Variants in GSN observed in about 807,000 individuals in gnomAD.
GSN encodes gelsolin.
In GSN, 56 loss-of-function variants were observed where a neutral mutation model predicts 85.7. That is an observed-to-expected ratio of 0.65 (90% CI 0.53 to 0.82). GSN has a LOEUF of 0.82. Ranked by LOEUF, GSN falls within the 40% of genes least tolerant of loss-of-function variation. The probability of loss-of-function intolerance (pLI) is 0.00; values close to 1 mark genes in which losing one functional copy is unlikely to be tolerated. For synonymous variants in GSN, 373 were observed against 399.1 expected (o/e 0.93, Z 0.78); for missense variants, 857 against 979.8 (o/e 0.87, Z 1.67).
chr9:121,313,979 G>A lies in GSN; in HGVS notation c.709G>A (p.Ala237Thr), dbSNP rs376744130. 42 of 1,614,030 alleles carry A rather than the reference G, an allele frequency of 2.6e-5. No individual in the cohort carries two copies. In the African/African-American group the frequency reaches 5.1e-4, roughly 19 times the overall value. Reference protein sequence around the residue: ...PALPAGTEDTAKEDAANRKLA... With the variant: ...PALPAGTEDTTKEDAANRKLA... The stretch of plus-strand genomic sequence containing the variant: ...TCTGCCTGCAGGTACCGAGGACACC[G>A]CCAAGGAGGATGCGGCCAACCGCAA... The change falls in exon 7 of 18, where the codon GCC becomes ACC. Residue 237 changes from alanine to threonine, a missense_variant. Ala to Thr is a moderately conservative substitution (Grantham distance 58). Transcript: ENST00000432226.
chr9:121,240,154 T>C (rs2054575555), intron 5 of GSN: 1 of 152,232 alleles, frequency 6.6e-6, no homozygotes, highest in African/African-American at 2.4e-5. Flanking sequence ...GTGTCCAAAT[T>C]CCCCTTTTTA....
chr9:121,291,068 TAAAA>T (rs2058637530), intron 2 of GSN, among the ~76,000 whole-genome samples: 1 of 151,930 alleles, frequency 6.6e-6, no homozygotes, highest in African/African-American at 2.4e-5. Flanking sequence ...AAATAAAAAT[TAAAA>T]AAAGTAAAAA....
chr9:121,304,666 G>T (rs1354292195), intron 4 of GSN, among the ~76,000 whole-genome samples: 1 of 152,204 alleles, frequency 6.6e-6, no homozygotes, highest in Non-Finnish European at 1.5e-5. Context: ...CTACACTATG[G>T]CAGATATGGT....
At chr9:121,245,938 C>T (rs2054690740) in intron 5 of GSN, among the ~76,000 whole-genome samples, 3 of 152,116 alleles carry the variant, frequency 2.0e-5, no homozygotes, top group Non-Finnish European at 4.4e-5. Context: ...ATTTAAAAGA[C>T]AACCAGAGAA....
intron 1 of GSN, among the ~76,000 whole-genome samples, chr9:121,208,772 G>A (rs1240828807): frequency 2.6e-5 from 4 of 152,156 alleles, no homozygotes; most frequent in Non-Finnish European, 4.4e-5. Context: ...TACTAATGAG[G>A]GAAGAAAAGA....
chr9:121,250,362 A>G (rs10818518), intron 6 of GSN, among the ~76,000 whole-genome samples: 57,354 of 151,480 alleles, frequency 0.38, 13,470 homozygotes, highest in East Asian at 0.62. Context: ...CTGCCACTAC[A>G]CCCAGCTAAT....
intron 4 of GSN, among the ~76,000 whole-genome samples, chr9:121,307,389 AGT>A (rs1383444434): frequency 6.6e-6 from 1 of 152,174 alleles, no homozygotes; most frequent in African/African-American, 2.4e-5. Flanking sequence ...CAATAGAAAC[AGT>A]GAGTCCTTCT....
rs112938071 is a variant in GSN, at chr9:121,275,189, A to G, written c.-102-6281A>G. Among the ~76,000 whole-genome samples the G allele has an allele frequency of 3.8e-3, 586 of 152,348 alleles. 6 individuals are homozygous for G. The highest frequency in any genetic ancestry group is 0.013 in the African/African-American group (560 of 41,582). On this transcript the variant is annotated intron_variant, in intron 1 of 17. Transcript: ENST00000432226. Reference sequence around the variant, plus strand: ...CACTTGCACAATTCAGCAGCAATAAAGCATAACAAGTTAAGATCCCAGGCC... The same window carrying G: ...CACTTGCACAATTCAGCAGCAATAAGGCATAACAAGTTAAGATCCCAGGCC...
At chr9:121,327,085 G>C (rs2063295636) in intron 13 of GSN, 1 of 698,600 alleles carries the variant, frequency 1.4e-6, no homozygotes. Flanking sequence ...TGTTAATGCA[G>C]CCCTGATTTT....
chr9:121,284,784 T>C (rs1029584034), intron 2 of GSN: 2 of 167,108 alleles, frequency 1.2e-5, no homozygotes, highest in Non-Finnish European at 2.9e-5. Context: ...ACTTGATCCA[T>C]GGGATTTCAG....
intron 6 of GSN, among the ~76,000 whole-genome samples, chr9:121,254,327 A>G (rs1418676021): frequency 6.6e-6 from 1 of 152,198 alleles, no homozygotes; most frequent in East Asian, 1.9e-4. Flanking sequence ...CCGTGAAACA[A>G]GATCACCTGC....
intron 5 of GSN, among the ~76,000 whole-genome samples, chr9:121,231,536 TGAA>T (rs1189924302): frequency 1.3e-5 from 2 of 152,070 alleles, no homozygotes; most frequent in East Asian, 1.9e-4. Flanking sequence ...GACATGATTT[TGAA>T]GAAGAAGAAG....
chr9:121,295,738 A>C (rs932566917), intron 2 of GSN, among the ~76,000 whole-genome samples: 7 of 152,226 alleles, frequency 4.6e-5, no homozygotes, highest in Non-Finnish European at 1.0e-4. Context: ...TACAGCCCCC[A>C]TCCTGTGGCA....
At chr9:121,288,446 A>G (rs2058364560) in intron 2 of GSN, among the ~76,000 whole-genome samples, 1 of 152,198 alleles carries the variant, frequency 6.6e-6, no homozygotes, top group African/African-American at 2.4e-5. Flanking sequence ...GACATAACAC[A>G]GATGCCCAGG....
intron 5 of GSN, among the ~76,000 whole-genome samples, chr9:121,231,705 C>G (rs1210252882): frequency 1.3e-5 from 2 of 151,946 alleles, no homozygotes; most frequent in Admixed American, 1.3e-4. Flanking sequence ...ATGTAGCAGG[C>G]AGGCTTCTAT....
At chr9:121,249,523 A>G (rs1423405592) in intron 6 of GSN, among the ~76,000 whole-genome samples, 3 of 152,226 alleles carry the variant, frequency 2.0e-5, no homozygotes, top group Non-Finnish European at 2.9e-5. Flanking sequence ...GAAGTGGTTC[A>G]TGCCACTTAA....
chr9:121,304,220 C>A (rs2060179152), intron 4 of GSN, among the ~76,000 whole-genome samples: 1 of 152,076 alleles, frequency 6.6e-6, no homozygotes, highest in African/African-American at 2.4e-5. Flanking sequence ...GCCAGTGAGA[C>A]TCAGATAGCA....
At chr9:121,247,168 C>A (rs892160187) in intron 5 of GSN, among the ~76,000 whole-genome samples, 1 of 152,170 alleles carries the variant, frequency 6.6e-6, no homozygotes, top group African/African-American at 2.4e-5. Flanking sequence ...CCGGCTGCCC[C>A]AGGGTGCTCA....
chr9:121,228,429 T>A (rs1162647302), intron 4 of GSN, among the ~76,000 whole-genome samples: 2,911 of 42,870 alleles, frequency 0.068, 59 homozygotes, highest in East Asian at 0.22. Context: ...TATATATTTT[T>A]TTTTTTTTTT....
Sources: allele counts gnomAD v4.1 joint callset (sites outside exome capture counted in the v4.1 genomes callset), GRCh38; gene constraint gnomAD v4.1.1; transcripts MANE v1.5; gene names NCBI Gene and HGNC (gene_info 2026-07-23, HGNC 2026-07-21).